Variants in ENTPD1 observed in about 807,000 individuals in gnomAD.
ENTPD1 encodes ATP diphosphohydrolase.
ENTPD1 carries 33 observed loss-of-function variants against 57.0 expected under a neutral mutation model. The observed-to-expected ratio is 0.58, with a 90% CI of 0.44 to 0.77. The LOEUF (loss-of-function observed/expected upper bound fraction) is 0.77, where lower values mean the gene tolerates loss of function less well. Ranked by LOEUF, ENTPD1 falls within the 30% of genes least tolerant of loss-of-function variation. The pLI, the probability that ENTPD1 is intolerant of heterozygous loss-of-function variation, is 0.00. For synonymous variants in ENTPD1, 202 were observed against 218.8 expected (o/e 0.92, Z 0.68); for missense variants, 501 against 603.4 (o/e 0.83, Z 1.78).
In ENTPD1 at chr10:95,864,680, G is replaced by A. The variant is rs762982387; in HGVS notation, c.1189-44G>A. The A allele has an allele frequency of 4.3e-6, 7 of 1,613,270 alleles. No individual in the cohort carries two copies. The African/African-American group carries it at 6.7e-5, about 15-fold the overall frequency. ...TAGAGAAAAAGAGGGCCACAGAGAGGTGCCTATCATACGAGTATGATCTCC... is the reference window on the plus strand; with the variant it reads ...TAGAGAAAAAGAGGGCCACAGAGAGATGCCTATCATACGAGTATGATCTCC... On this transcript the variant is annotated intron_variant, in intron 8 of 9. Transcript: ENST00000371205.
At chr10:95,770,817 T>TAA (rs2098113488) in intron 1 of ENTPD1, among the ~76,000 whole-genome samples, 1 of 152,216 alleles carries the variant, frequency 6.6e-6, no homozygotes, top group African/African-American at 2.4e-5. Context: ...TTTGGCATTT[T>TAA]AAAAAGACTC....
chr10:95,797,529 T>C (rs2140309896), intron 1 of ENTPD1, among the ~76,000 whole-genome samples: 1 of 152,334 alleles, frequency 6.6e-6, no homozygotes, highest in African/African-American at 2.4e-5. Context: ...CTTATGGTCC[T>C]GCAGGTTCAG....
chr10:95,865,542 T>C (rs1212249397), intron 9 of ENTPD1, among the ~76,000 whole-genome samples: 4 of 152,186 alleles, frequency 2.6e-5, no homozygotes, highest in African/African-American at 4.8e-5. Context: ...TTAAATATGG[T>C]GATTTCAAGC....
intron 1 of ENTPD1, among the ~76,000 whole-genome samples, chr10:95,812,608 G>A (rs906307889): frequency 4.6e-5 from 7 of 152,202 alleles, no homozygotes; most frequent in African/African-American, 1.4e-4. Flanking sequence ...ATACCTCAGT[G>A]TGGGATTGCT....
At chr10:95,707,401 C>A (rs540870325), upstream of ENTPD1, among the ~76,000 whole-genome samples, 2 of 152,202 alleles carry the variant, frequency 1.3e-5, no homozygotes, top group Non-Finnish European at 2.9e-5. Flanking sequence ...AAAGGGCAGG[C>A]CTCCCACTGG....
chr10:95,712,951 G>A lies in ENTPD1; in HGVS notation c.37+958G>A, dbSNP rs1397344689. The stretch of plus-strand genomic sequence containing the variant: ...CGGGAGGCTGAGGCAGGAGAATGGC[G>A]TGAACCCGGGAGGCGGAGCTTGCAG... On this transcript the variant is annotated intron_variant, in intron 1 of 9. Coordinates refer to the ENTPD1 transcript ENST00000453258. Among the ~76,000 whole-genome samples the A allele has an allele frequency of 2.6e-5, 4 of 151,688 alleles. No homozygotes were observed. In the South Asian group the frequency reaches 6.2e-4, roughly 24 times the overall value.
intron 2 of ENTPD1, among the ~76,000 whole-genome samples, chr10:95,831,351 C>T (rs1307727823): frequency 6.6e-6 from 1 of 152,190 alleles, no homozygotes; most frequent in Admixed American, 6.5e-5. Flanking sequence ...CTCACATTGC[C>T]TTGGGTTTGA....
At chr10:95,855,740 T>C (rs1361870381) in intron 7 of ENTPD1, among the ~76,000 whole-genome samples, 2 of 152,226 alleles carry the variant, frequency 1.3e-5, no homozygotes, top group African/African-American at 4.8e-5. Context: ...AAAATTCTTT[T>C]CTTTAAGAAT....
intron 3 of ENTPD1, among the ~76,000 whole-genome samples, chr10:95,840,179 C>T (rs932417800): frequency 6.6e-6 from 1 of 152,186 alleles, no homozygotes; most frequent in African/African-American, 2.4e-5. Flanking sequence ...AGAGGTTATA[C>T]CACTTGTTTG....
intron 1 of ENTPD1, among the ~76,000 whole-genome samples, chr10:95,742,849 A>T (rs535146199): frequency 2.0e-5 from 3 of 152,330 alleles, no homozygotes; most frequent in African/African-American, 4.8e-5. Context: ...CATATTTTTT[A>T]AAATAAGCTT....
intron 1 of ENTPD1, among the ~76,000 whole-genome samples, chr10:95,802,343 G>A (rs2098253252): frequency 6.6e-6 from 1 of 152,166 alleles, no homozygotes; most frequent in Non-Finnish European, 1.5e-5. Flanking sequence ...CTCTCAGATA[G>A]CACACCTCAG....
Position 95,867,774 on chromosome 10 carries a change from G to GGACT in ENTPD1, c.*1397_*1400dup. ...CCAAGCTCTCCATCTCTAGATCTGG[G>GGACT]GACTGACTGTTGAGCTGATGGGGAA... On this transcript the variant is annotated 3_prime_UTR_variant, in exon 10 of 10. Transcript: ENST00000371205. 1.0e-6 allele frequency: 1 copy of GGACT among 985,352 alleles called. No individual in the cohort carries two copies. The highest frequency in any genetic ancestry group is 1.2e-6 in the Non-Finnish European group (1 of 829,912). 61.0% of individuals were successfully genotyped at this position (985,352 alleles called of 1,614,324 possible). A position where few individuals can be genotyped will look rare whatever the true frequency, so the allele number is the denominator to read the frequency against.
chr10:95,858,081 C>T (rs1052211203), intron 7 of ENTPD1, among the ~76,000 whole-genome samples: 4 of 151,744 alleles, frequency 2.6e-5, no homozygotes, highest in Non-Finnish European at 5.9e-5. Context: ...TGGCGTGAAC[C>T]CGGACGCAGA....
the ENTPD1 span, among the ~76,000 whole-genome samples, chr10:95,701,823 GAATA>G: frequency 6.6e-6 from 1 of 151,854 alleles, no homozygotes; most frequent in Non-Finnish European, 1.5e-5. Flanking sequence ...TCACATTTTT[GAATA>G]AATCTTGAGT....
At chr10:95,765,704 G>T (rs1221595510) in intron 1 of ENTPD1, among the ~76,000 whole-genome samples, 1 of 152,088 alleles carries the variant, frequency 6.6e-6, no homozygotes, top group East Asian at 1.9e-4. Flanking sequence ...TTAAGATCAG[G>T]TTGTCAACTT....
intron 1 of ENTPD1, among the ~76,000 whole-genome samples, chr10:95,820,890 A>G (rs534369373): frequency 3.3e-5 from 5 of 152,344 alleles, no homozygotes; most frequent in African/African-American, 1.2e-4. Flanking sequence ...TTGGATGCTA[A>G]GAATAGTGCC....
At chr10:95,814,922 A>G (rs2098324796) in intron 1 of ENTPD1, among the ~76,000 whole-genome samples, 2 of 151,904 alleles carry the variant, frequency 1.3e-5, no homozygotes, top group Non-Finnish European at 2.9e-5. Flanking sequence ...TCCCAACCCA[A>G]TGTCCATCTC....
chr10:95,811,400 A>G (rs537673683), intron 1 of ENTPD1, among the ~76,000 whole-genome samples: 2 of 152,256 alleles, frequency 1.3e-5, no homozygotes, highest in East Asian at 1.9e-4. Flanking sequence ...CCCAGCTCCT[A>G]TCATCTTTGC....
intron 1 of ENTPD1, among the ~76,000 whole-genome samples, chr10:95,735,743 G>A (rs988845454): frequency 2.0e-4 from 30 of 149,564 alleles, no homozygotes; most frequent in Non-Finnish European, 3.3e-4. Flanking sequence ...TTACAGGTGC[G>A]CACCACCATG....
Sources: gnomAD v4.1 joint callset for allele counts (sites outside exome capture counted in the v4.1 genomes callset) on GRCh38, gnomAD v4.1.1 for gene constraint, MANE v1.5 for transcripts, NCBI Gene and HGNC (gene_info 2026-07-23, HGNC 2026-07-21) for gene names.